The following ARHGEF28 variants were observed in gnomAD, a reference collection of about 807,000 sequenced individuals.
ARHGEF28 encodes 190 kDa guanine nucleotide exchange factor.
Under a neutral mutation model 206.6 loss-of-function variants are expected in ARHGEF28, and 152 were observed. The observed-to-expected ratio is 0.74, with a 90% CI of 0.64 to 0.84. ARHGEF28 has a LOEUF of 0.84. Among genes scored for constraint, ARHGEF28 ranks in the 40% least tolerant of loss-of-function variants. ARHGEF28 has a pLI of 0.00. For synonymous variants in ARHGEF28, 763 were observed against 776.4 expected, an observed-to-expected ratio of 0.98 and a Z score of 0.29; for missense variants, 2,028 against 2,073.2, an observed-to-expected ratio of 0.98 and a Z score of 0.42.
intron 2 of ARHGEF28, among the ~76,000 whole-genome samples, chr5:73,707,158 AC>A (rs999242261): frequency 1.3e-5 from 2 of 152,100 alleles, no homozygotes; most frequent in Non-Finnish European, 2.9e-5. Flanking sequence ...CACATGCTCT[AC>A]CCTACGCGAG....
intron 1 of ARHGEF28, among the ~76,000 whole-genome samples, chr5:73,683,255 G>A (rs1747220886): frequency 6.6e-6 from 1 of 152,148 alleles, no homozygotes; most frequent in Non-Finnish European, 1.5e-5. Context: ...GTAGTGTTAA[G>A]TATATTCACA....
chr5:73,845,380 C>T lies in ARHGEF28; in HGVS notation c.1428-888C>T, dbSNP rs1561451204. Among the ~76,000 whole-genome samples the T allele has an allele frequency of 2.0e-5, 3 of 152,006 alleles. 1 individual carries two copies. Among genetic ancestry groups the T allele is most frequent in the Non-Finnish European group, 4.4e-5 (3 of 68,008 alleles). On this transcript the variant is annotated intron_variant, in intron 11 of 35. Transcript: ENST00000513042. ...AGTATGACATGTTTGGGACATTGCA[C>T]GACTCACTTCTGAACTGTGTCTTGA...
At chr5:73,802,870 CTGTGTG>C (rs561505395) in intron 9 of ARHGEF28, among the ~76,000 whole-genome samples, 5,557 of 122,010 alleles carry the variant, frequency 0.046, 205 homozygotes, top group African/African-American at 0.11. Context: ...AGCTCGATTG[CTGTGTG>C]TGTGTGTGTG....
At chr5:73,858,012 A>G (rs749422357) in intron 15 of ARHGEF28, 75 bp from the exon 16 acceptor site, 13 of 1,533,142 alleles carry the variant, frequency 8.5e-6, no homozygotes, top group East Asian at 6.7e-5. Context: ...GATGATTTCT[A>G]TAAGAAAGTT....
intron 12 of ARHGEF28, among the ~76,000 whole-genome samples, chr5:73,848,359 T>C (rs987365845): frequency 1.3e-5 from 2 of 152,332 alleles, no homozygotes; most frequent in African/African-American, 4.8e-5. Context: ...ATATTAAGGA[T>C]GTATAAATTA....
intron 35 of ARHGEF28, among the ~76,000 whole-genome samples, chr5:73,925,627 C>T (rs1005301414): frequency 1.3e-5 from 2 of 152,208 alleles, no homozygotes; most frequent in Admixed American, 1.3e-4. Flanking sequence ...CAGTCAACCC[C>T]TCCCCTTCAA....
At chr5:73,854,860 A>G (rs1045342502) in intron 14 of ARHGEF28, among the ~76,000 whole-genome samples, 1 of 151,916 alleles carries the variant, frequency 6.6e-6, no homozygotes, top group African/African-American at 2.4e-5. Flanking sequence ...AAAAACAACA[A>G]CAACAACAAA....
At chr5:73,683,129 T>G (rs1747215769) in intron 1 of ARHGEF28, among the ~76,000 whole-genome samples, 1 of 152,172 alleles carries the variant, frequency 6.6e-6, no homozygotes, top group Non-Finnish European at 1.5e-5. Context: ...TTTTTTTTGT[T>G]TTTTTTCTAA....
chr5:73,683,456 A>G (rs1474946612), intron 1 of ARHGEF28, among the ~76,000 whole-genome samples: 1 of 151,936 alleles, frequency 6.6e-6, no homozygotes, highest in East Asian at 1.9e-4. Context: ...GGCATCATAT[A>G]GTATTTTTCC....
intron 1 of ARHGEF28, among the ~76,000 whole-genome samples, chr5:73,646,185 T>C (rs879758046): frequency 1.3e-5 from 2 of 152,210 alleles, no homozygotes; most frequent in Non-Finnish European, 2.9e-5. Flanking sequence ...TGGGATGATT[T>C]TACCTGTTGC....
At position 73,787,040 on chromosome 5, in the gene ARHGEF28, A is replaced by G. The variant is rs114568872; in HGVS notation, c.910+6295A>G. On this transcript the variant is annotated intron_variant, in intron 7 of 35. Coordinates refer to ENST00000513042, the MANE Select transcript of ARHGEF28 (RefSeq NM_001177693.2). Reference sequence around the variant, plus strand: ...CCTGTGAGATATTACTGGGAAAACAATAGGGCTCTTATCCACACAAAGTGT... The same window carrying G: ...CCTGTGAGATATTACTGGGAAAACAGTAGGGCTCTTATCCACACAAAGTGT... Among the ~76,000 whole-genome samples the G allele has an allele frequency of 2.1e-3, 320 of 152,334 alleles. 1 individual carries two copies. The highest frequency in any genetic ancestry group is 7.4e-3 in the African/African-American group (306 of 41,566).
intron 2 of ARHGEF28, among the ~76,000 whole-genome samples, chr5:73,686,022 C>T (rs1747443199): frequency 6.6e-6 from 1 of 152,182 alleles, no homozygotes; most frequent in Non-Finnish European, 1.5e-5. Flanking sequence ...CTCACCCTCA[C>T]TCCCTTCTAC....
chr5:73,632,114 G>T (rs183620050), intron 1 of ARHGEF28, among the ~76,000 whole-genome samples: 2 of 152,140 alleles, frequency 1.3e-5, no homozygotes, highest in Admixed American at 6.5e-5. Flanking sequence ...GCTAACTGTC[G>T]TCTCAAGTCC....
At chr5:73,813,624 G>C (rs981378727) in intron 9 of ARHGEF28, 1 of 1,535,798 alleles carries the variant, frequency 6.5e-7, no homozygotes, top group Non-Finnish European at 8.7e-7. Flanking sequence ...TTAACTACTC[G>C]TGGCCTTCCT....
chr5:73,786,920 A>G (rs568501692), intron 7 of ARHGEF28, among the ~76,000 whole-genome samples: 1 of 152,306 alleles, frequency 6.6e-6, no homozygotes, highest in East Asian at 1.9e-4. Context: ...TTTTGCTTGA[A>G]CATTCTGTAG....
chr5:73,846,511 T>C, intron 12 of ARHGEF28, 36 bp downstream of exon 12: 1 of 1,575,926 alleles, frequency 6.3e-7, no homozygotes, highest in Non-Finnish European at 8.7e-7. Context: ...ATATTGCAAG[T>C]GTGGAGAATA....
chr5:73,642,348 T>G (rs1216108708), intron 1 of ARHGEF28, among the ~76,000 whole-genome samples: 2 of 152,244 alleles, frequency 1.3e-5, no homozygotes, highest in Non-Finnish European at 2.9e-5. Context: ...TTTTGTTTTT[T>G]TAACTTTCCC....
At chr5:73,760,800 A>G (rs188944824) in intron 4 of ARHGEF28, among the ~76,000 whole-genome samples, 2 of 152,310 alleles carry the variant, frequency 1.3e-5, no homozygotes, top group Non-Finnish European at 1.5e-5. Flanking sequence ...CAATCATTTG[A>G]ATTCATTTTT....
chr5:73,826,447 C>T (rs140804703), intron 9 of ARHGEF28, among the ~76,000 whole-genome samples: 83 of 152,336 alleles, frequency 5.4e-4, no homozygotes, highest in Middle Eastern at 6.8e-3. Context: ...CTGACTTTCG[C>T]GCTCTGGCAT....
Sources: gnomAD v4.1 joint callset for allele counts (sites outside exome capture counted in the v4.1 genomes callset) on GRCh38, gnomAD v4.1.1 for gene constraint, MANE v1.5 for transcripts, NCBI Gene and HGNC (gene_info 2026-07-23, HGNC 2026-07-21) for gene names.